Variants in ARHGAP24 observed in about 807,000 individuals in gnomAD.
The protein encoded by ARHGAP24 is Rho GTPase activating protein 24, also known as rho GTPase-activating protein 24.
ARHGAP24 carries 50 observed loss-of-function variants against 76.4 expected under a neutral mutation model. The ratio of observed to expected loss-of-function variants is 0.65; its 90% CI spans 0.52 to 0.83. ARHGAP24 has a LOEUF of 0.83. Among genes scored for constraint, ARHGAP24 ranks in the 40% least tolerant of loss-of-function variants. The pLI is 0.00. For synonymous variants in ARHGAP24, 345 were observed against 323.3 expected, an observed-to-expected ratio of 1.07 and a Z score of -0.72; for missense variants, 930 against 914.2, an observed-to-expected ratio of 1.02 and a Z score of -0.22.
intron 1 of ARHGAP24, among the ~76,000 whole-genome samples, chr4:85,519,397 C>T (rs1044468307): frequency 2.0e-5 from 3 of 152,130 alleles, no homozygotes; most frequent in African/African-American, 7.2e-5. Context: ...GACTACCTGG[C>T]TCTCTCCACA....
At chr4:85,929,184 G>A (rs1193909597) in intron 4 of ARHGAP24, among the ~76,000 whole-genome samples, 1 of 152,158 alleles carries the variant, frequency 6.6e-6, no homozygotes, top group Non-Finnish European at 1.5e-5. Flanking sequence ...CTGTCTTCGT[G>A]GTGCTGAGTT....
At chr4:85,597,728 A>G (rs1228986233) in intron 2 of ARHGAP24, among the ~76,000 whole-genome samples, 1 of 152,044 alleles carries the variant, frequency 6.6e-6, no homozygotes, top group Non-Finnish European at 1.5e-5. Flanking sequence ...TACTTTTATT[A>G]TAGCCATTAT....
At chr4:85,635,799 G>A (rs563072794) in intron 2 of ARHGAP24, among the ~76,000 whole-genome samples, 8 of 151,796 alleles carry the variant, frequency 5.3e-5, no homozygotes, top group African/African-American at 7.2e-5. Context: ...TAATATAGCC[G>A]TTTAAGACAA....
chr4:85,620,603 T>G lies in ARHGAP24; in HGVS notation c.180+49882T>G, dbSNP rs528695351. On this transcript the variant is annotated intron_variant, in intron 2 of 9. Transcript: ENST00000395184. ...GCTGATTTTTCAGCAAAACAACTCT[T>G]AGTTTCATTGATCTTTTCTACTTTT... Among the ~76,000 whole-genome samples the G allele has an allele frequency of 2.0e-5, 3 of 151,958 alleles. No homozygotes were observed. In the East Asian group the frequency reaches 5.8e-4, roughly 29 times the overall value.
At chr4:85,795,325 C>A (rs17399707) in intron 3 of ARHGAP24, among the ~76,000 whole-genome samples, 1 of 152,188 alleles carries the variant, frequency 6.6e-6, no homozygotes, top group Non-Finnish European at 1.5e-5. Context: ...TATTCCCTTC[C>A]TTTTTCTCCC....
At chr4:85,899,868 G>A (rs1408615980) in intron 3 of ARHGAP24, among the ~76,000 whole-genome samples, 2 of 152,090 alleles carry the variant, frequency 1.3e-5, no homozygotes, top group Non-Finnish European at 2.9e-5. Context: ...GGCAATGTAG[G>A]GAGAGACCTA....
chr4:85,832,109 T>C (rs1490656833), intron 3 of ARHGAP24, among the ~76,000 whole-genome samples: 1 of 151,946 alleles, frequency 6.6e-6, no homozygotes, highest in Admixed American at 6.6e-5. Flanking sequence ...AGCACCAGGG[T>C]CAGTCAGGGG....
At chr4:85,813,146 T>C (rs1168449206) in intron 3 of ARHGAP24, among the ~76,000 whole-genome samples, 1 of 152,216 alleles carries the variant, frequency 6.6e-6, no homozygotes, top group East Asian at 1.9e-4. Flanking sequence ...TTGCTCATCA[T>C]TGGATGACAA....
In ARHGAP24 at chr4:85,698,751, C is replaced by A. The variant is rs143837927; in HGVS notation, c.181-23134C>A. ...TAGTTTGTCCTCCCATGACAAAGAG[C>A]GACCTAGCAAGGACACTCTTTGATA... is the stretch of plus-strand genomic sequence containing the variant. On this transcript the variant is annotated intron_variant, in intron 2 of 9. Transcript: ENST00000395184. Among the ~76,000 whole-genome samples, 68 of 152,268 alleles carry A rather than the reference C, an allele frequency of 4.5e-4. 1 individual carries two copies. The highest frequency in any genetic ancestry group is 2.9e-3 in the Admixed American group (44 of 15,300).
chr4:85,958,339 G>A (rs1738044454), intron 5 of ARHGAP24, among the ~76,000 whole-genome samples: 1 of 152,086 alleles, frequency 6.6e-6, no homozygotes, highest in Non-Finnish European at 1.5e-5. Context: ...CATGTTATGG[G>A]GCACTTTTTA....
intron 5 of ARHGAP24, among the ~76,000 whole-genome samples, chr4:85,965,497 C>A (rs762033499): frequency 7.9e-5 from 12 of 152,104 alleles, no homozygotes; most frequent in Non-Finnish European, 1.5e-4. Context: ...ACTGGAAAGA[C>A]AAATATGTAA....
At position 85,822,315 on chromosome 4, in the gene ARHGAP24, A is replaced by C. The variant is rs141747270; in HGVS notation, c.268+100343A>C. Among the ~76,000 whole-genome samples the C allele has an allele frequency of 8.5e-4, 130 of 152,258 alleles. 1 individual carries two copies. In the East Asian group the frequency reaches 0.021, roughly 25 times the overall value. Reference sequence around the variant, plus strand: ...AAATAACAAACCAAATAACAAGCCAAGTCCAAATATTCTGACTTGGCTTAA... The same window carrying C: ...AAATAACAAACCAAATAACAAGCCACGTCCAAATATTCTGACTTGGCTTAA... On this transcript the variant is annotated intron_variant, in intron 3 of 9. Transcript: ENST00000395184.
intron 1 of ARHGAP24, among the ~76,000 whole-genome samples, chr4:85,485,031 T>C (rs1722964618): frequency 6.6e-6 from 1 of 152,002 alleles, no homozygotes; most frequent in African/African-American, 2.4e-5. Context: ...GTGTTCTTTT[T>C]TGTTTTTTTC....
At chr4:85,631,668 A>T (rs1480352341) in intron 2 of ARHGAP24, among the ~76,000 whole-genome samples, 1 of 152,080 alleles carries the variant, frequency 6.6e-6, no homozygotes. Context: ...TGACAAAATT[A>T]TTACTCAATT....
chr4:85,599,951 C>T (rs1461688011), intron 2 of ARHGAP24, among the ~76,000 whole-genome samples: 1 of 152,098 alleles, frequency 6.6e-6, no homozygotes, highest in African/African-American at 2.4e-5. Context: ...GATAAGGTAT[C>T]ATGGTTTGAG....
intron 3 of ARHGAP24, among the ~76,000 whole-genome samples, chr4:85,887,140 AG>A (rs1217862305): frequency 1.3e-5 from 2 of 152,176 alleles, no homozygotes; most frequent in Admixed American, 6.5e-5. Context: ...GACTAGAAGA[AG>A]ACAAAAGAGT....
intron 1 of ARHGAP24, among the ~76,000 whole-genome samples, chr4:85,500,318 G>A (rs1290069431): frequency 6.6e-6 from 1 of 152,288 alleles, no homozygotes; most frequent in East Asian, 1.9e-4. Context: ...GAGAAGTCTG[G>A]TGTTCCCTGG....
chr4:85,678,070 T>TA (rs1560581701), intron 2 of ARHGAP24, among the ~76,000 whole-genome samples: 5 of 151,600 alleles, frequency 3.3e-5, no homozygotes, highest in African/African-American at 9.7e-5. Flanking sequence ...AAAAAAATTT[T>TA]AAAAAAAGGC....
At chr4:85,510,471 G>A (rs536311059) in intron 1 of ARHGAP24, among the ~76,000 whole-genome samples, 17 of 147,636 alleles carry the variant, frequency 1.2e-4, no homozygotes, top group South Asian at 4.3e-4. Flanking sequence ...CTCTCTACCC[G>A]TTTGCCTTCT....
Sources: allele counts gnomAD v4.1 joint callset (sites outside exome capture counted in the v4.1 genomes callset), GRCh38; gene constraint gnomAD v4.1.1; transcripts MANE v1.5; gene names NCBI Gene and HGNC (gene_info 2026-07-23, HGNC 2026-07-21).